The following DOK5 variants were observed in gnomAD, a reference collection of about 807,000 sequenced individuals.
DOK5 encodes docking protein 5.
In DOK5, 27 loss-of-function variants were observed where a neutral mutation model predicts 43.3. The ratio of observed to expected loss-of-function variants is 0.62; its 90% CI spans 0.46 to 0.86. The LOEUF (loss-of-function observed/expected upper bound fraction) is 0.86, where lower values mean the gene tolerates loss of function less well. DOK5 is among the 40% of genes least tolerant of loss of function. DOK5 has a pLI of 0.00. For missense variants in DOK5, 373 were observed against 392.9 expected (o/e 0.95, Z 0.43); for synonymous variants, 146 against 140.1 (o/e 1.04, Z -0.30).
intron 5 of DOK5, among the ~76,000 whole-genome samples, chr20:54,603,940 A>ATTTTTTTTTTT (rs35690531): frequency 2.6e-5 from 2 of 76,274 alleles, no homozygotes; most frequent in African/African-American, 5.7e-5. Context: ...TTCAAACTGT[A>ATTTTTTTTTTT]TTTTTTTTTT....
intron 1 of DOK5, among the ~76,000 whole-genome samples, chr20:54,539,163 G>A (rs572413321): frequency 6.6e-5 from 10 of 151,646 alleles, no homozygotes; most frequent in South Asian, 2.1e-4. Context: ...GGCAGCCTGC[G>A]CCTGTAGTCC....
intron 6 of DOK5, among the ~76,000 whole-genome samples, chr20:54,622,492 CAGCTCCTCCCTGGAGCTGGG>C (rs1568816177): frequency 6.6e-6 from 1 of 152,210 alleles, no homozygotes; most frequent in Non-Finnish European, 1.5e-5. Flanking sequence ...TTAGCTTACA[CAGCTCCTCCCTGGAGCTGGG>C]AGCTCCTGTC....
At chr20:54,568,820 C>T (rs1249883855) in intron 2 of DOK5, among the ~76,000 whole-genome samples, 1 of 151,854 alleles carries the variant, frequency 6.6e-6, no homozygotes, top group East Asian at 1.9e-4. Flanking sequence ...GTCCCAGCTA[C>T]TCGGGAGGCT....
At chr20:54,633,743 T>C (rs192282394) in intron 6 of DOK5, among the ~76,000 whole-genome samples, 1 of 152,320 alleles carries the variant, frequency 6.6e-6, no homozygotes, top group East Asian at 1.9e-4. Context: ...AGCAACCTGA[T>C]GAAAATTTAA....
chr20:54,611,431 T>G (rs1986646709), intron 6 of DOK5, among the ~76,000 whole-genome samples: 1 of 152,052 alleles, frequency 6.6e-6, no homozygotes. Context: ...TGTGGTGGTA[T>G]GCGACTGTAG....
chr20:54,588,292 C>A (rs764969020), intron 2 of DOK5, among the ~76,000 whole-genome samples, 191 bp from the exon 3 acceptor site: 25 of 152,170 alleles, frequency 1.6e-4, no homozygotes, highest in Non-Finnish European at 2.6e-4. Context: ...ATTTGTTAAC[C>A]ATCCTTGCGG....
chr20:54,515,396 A>G (rs1208496847), intron 1 of DOK5, among the ~76,000 whole-genome samples: 1 of 152,242 alleles, frequency 6.6e-6, no homozygotes, highest in African/African-American at 2.4e-5. Flanking sequence ...AATGAACAAG[A>G]TGAAAATCTA....
At chr20:54,578,468 T>A (rs1426363336) in intron 2 of DOK5, among the ~76,000 whole-genome samples, 1 of 152,148 alleles carries the variant, frequency 6.6e-6, no homozygotes, top group East Asian at 1.9e-4. Context: ...GTCAAATGAT[T>A]AATTTGAAGG....
At chr20:54,576,387 A>G (rs1224632328) in intron 2 of DOK5, among the ~76,000 whole-genome samples, 1 of 152,186 alleles carries the variant, frequency 6.6e-6, no homozygotes, top group African/African-American at 2.4e-5. Flanking sequence ...CACAGACATG[A>G]TATTGGACGA....
At chr20:54,481,818 A>G (rs112207105) in intron 1 of DOK5, among the ~76,000 whole-genome samples, 43 of 152,334 alleles carry the variant, frequency 2.8e-4, no homozygotes, top group African/African-American at 9.9e-4. Context: ...GTTATTTAAT[A>G]TTTATAAGCC....
chr20:54,605,303 A>G (rs1986437790), intron 5 of DOK5, among the ~76,000 whole-genome samples: 1 of 152,228 alleles, frequency 6.6e-6, no homozygotes, highest in Admixed American at 6.5e-5. Flanking sequence ...GTATTTTTCT[A>G]ATAAGATATG....
chr20:54,539,618 G>A (rs942589673), intron 1 of DOK5, among the ~76,000 whole-genome samples: 11 of 152,130 alleles, frequency 7.2e-5, no homozygotes, highest in African/African-American at 1.2e-4. Flanking sequence ...ATGGGCTCCC[G>A]CTTGCTCCAG....
At chr20:54,621,706 G>A (rs959835399) in intron 6 of DOK5, among the ~76,000 whole-genome samples, 1 of 151,506 alleles carries the variant, frequency 6.6e-6, no homozygotes, top group Admixed American at 6.6e-5. Context: ...AAAAAATCAC[G>A]ATTAAAGATG....
At chr20:54,639,156 A>C (rs1978989884) in intron 6 of DOK5, among the ~76,000 whole-genome samples, 1 of 152,216 alleles carries the variant, frequency 6.6e-6, no homozygotes, top group South Asian at 2.1e-4. Context: ...AGACTGGTGC[A>C]CAGGCATGGC....
chr20:54,628,345 C>T (rs1978395503), intron 6 of DOK5, among the ~76,000 whole-genome samples: 1 of 125,654 alleles, frequency 8.0e-6, no homozygotes, highest in Admixed American at 1.0e-4. Flanking sequence ...GGAGGCGGAG[C>T]TTGCAGTGAG....
At chr20:54,490,141 T>A (rs1051521390) in intron 1 of DOK5, among the ~76,000 whole-genome samples, 1 of 152,196 alleles carries the variant, frequency 6.6e-6, no homozygotes, top group Non-Finnish European at 1.5e-5. Flanking sequence ...AAAGTAGTTA[T>A]TTAGTGAGCA....
At chr20:54,643,904 G>T (rs559290439) in intron 7 of DOK5, among the ~76,000 whole-genome samples, 26 of 152,332 alleles carry the variant, frequency 1.7e-4, no homozygotes, top group African/African-American at 5.3e-4. Flanking sequence ...CGTACACAGG[G>T]TCTGGGCGAG....
intron 4 of DOK5, among the ~76,000 whole-genome samples, chr20:54,589,751 G>A (rs1440852969): frequency 6.6e-6 from 1 of 152,104 alleles, no homozygotes; most frequent in African/African-American, 2.4e-5. Context: ...TAAAAAAAAT[G>A]CTGTCCCTCC....
At chr20:54,497,789 C>A (rs1055808151) in intron 1 of DOK5, among the ~76,000 whole-genome samples, 9 of 151,846 alleles carry the variant, frequency 5.9e-5, no homozygotes, top group Admixed American at 1.3e-4. Context: ...TGGTCATTTG[C>A]TTTTGTATTT....
Sources: gnomAD v4.1 joint callset for allele counts (sites outside exome capture counted in the v4.1 genomes callset) on GRCh38, gnomAD v4.1.1 for gene constraint, MANE v1.5 for transcripts, NCBI Gene and HGNC (gene_info 2026-07-23, HGNC 2026-07-21) for gene names.